MTHFD2L: variants seen among roughly 807,000 people sequenced by gnomAD.
MTHFD2L encodes methylenetetrahydrofolate dehydrogenase (NADP+ dependent) 2 like.
A neutral mutation model predicts 34.9 loss-of-function variants in MTHFD2L; 29 were observed. The observed-to-expected ratio is 0.83, with a 90% CI of 0.62 to 1.13. The LOEUF (loss-of-function observed/expected upper bound fraction) is 1.13, where lower values mean the gene tolerates loss of function less well. MTHFD2L is among the 50% of genes most tolerant of loss of function. The pLI, the probability that MTHFD2L is intolerant of heterozygous loss-of-function variation, is 0.00. For missense variants in MTHFD2L, 481 were observed against 446.5 expected (o/e 1.08, Z -0.70); for synonymous variants, 167 against 155.7 (o/e 1.07, Z -0.54).
upstream of MTHFD2L, chr4:74,157,898 A>G (rs977226589): frequency 1.5e-6 from 1 of 682,594 alleles, no homozygotes; most frequent in African/African-American, 1.8e-5. Flanking sequence ...ACGCTTCCAC[A>G]TCCTCAGAGG....
chr4:74,174,507 C>A lies in MTHFD2L; in HGVS notation c.145C>A (p.His49Asn), dbSNP rs757444032. 39 of 1,525,058 alleles carry A rather than the reference C, an allele frequency of 2.6e-5. 1 individual carries two copies. In the South Asian group the frequency reaches 5.0e-4, roughly 19 times the overall value. 94.5% of individuals were successfully genotyped at this position (1,525,058 alleles called of 1,614,324 possible). A position where few individuals can be genotyped will look rare whatever the true frequency, so the allele number is the denominator to read the frequency against. ...FRGFRSSGVRHEAIIISGTEM... is the reference protein window; with the variant it reads ...FRGFRSSGVRNEAIIISGTEM... ...TATTTATTGTTTTGCTTTCCACAGA[C>A]ATGAAGCCATTATTATATCAGGAAC... Residue 49 changes from histidine (H) to asparagine (N), a missense_variant and splice_region_variant, in exon 2 of 8, where the codon CAT becomes AAT. Coordinates refer to ENST00000325278, the MANE Select transcript of MTHFD2L (RefSeq NM_001144978.3).
At chr4:74,270,155 T>G (rs929300170) in intron 6 of MTHFD2L, among the ~76,000 whole-genome samples, 1 of 151,908 alleles carries the variant, frequency 6.6e-6, no homozygotes, top group African/African-American at 2.4e-5. Context: ...AAAATTCATT[T>G]TATTTTTTTC....
intron 5 of MTHFD2L, among the ~76,000 whole-genome samples, chr4:74,201,967 A>G (rs1056418443): frequency 2.0e-5 from 3 of 152,168 alleles, no homozygotes; most frequent in African/African-American, 7.2e-5. Context: ...ATAGCTAGAT[A>G]CAGAATAGCT....
chr4:74,271,344 T>C (rs1745955690), intron 6 of MTHFD2L, among the ~76,000 whole-genome samples: 1 of 152,228 alleles, frequency 6.6e-6, no homozygotes, highest in African/African-American at 2.4e-5. Flanking sequence ...AATTAATTTT[T>C]GTATAAGGTG....
chr4:74,254,603 C>G (rs1286924711), intron 6 of MTHFD2L, among the ~76,000 whole-genome samples: 6 of 138,854 alleles, frequency 4.3e-5, no homozygotes, highest in African/African-American at 1.6e-4. Flanking sequence ...AAAAAAAATG[C>G]TGAGGGAGTT....
intron 1 of MTHFD2L, among the ~76,000 whole-genome samples, chr4:74,148,469 C>G (rs1723741987): frequency 6.6e-6 from 1 of 151,304 alleles, no homozygotes; most frequent in Non-Finnish European, 1.5e-5. Context: ...CTTACTGCAA[C>G]CTCTACCTCC....
At chr4:74,257,313 A>C (rs1560536572) in intron 6 of MTHFD2L, among the ~76,000 whole-genome samples, 1 of 152,168 alleles carries the variant, frequency 6.6e-6, no homozygotes, top group Non-Finnish European at 1.5e-5. Context: ...TAAATGACTT[A>C]ATCCAATCAA....
intron 1 of MTHFD2L, chr4:74,161,184 T>A (rs758286308): frequency 5.3e-5 from 8 of 152,208 alleles, no homozygotes; most frequent in African/African-American, 9.6e-5. Context: ...AAAATCTACA[T>A]TTTTGGAACT....
chr4:74,251,061 T>C (rs1045743041), intron 6 of MTHFD2L, among the ~76,000 whole-genome samples: 2 of 152,164 alleles, frequency 1.3e-5, no homozygotes, highest in African/African-American at 4.8e-5. Context: ...ATTGACTCCC[T>C]AGGAGCCCAG....
chr4:74,194,274 G>GTT (rs1357455806), intron 3 of MTHFD2L: 1 of 152,128 alleles, frequency 6.6e-6, no homozygotes, highest in Admixed American at 6.6e-5. Context: ...TACGGTGTTA[G>GTT]CCCCAAACTT....
rs947735298 is a variant in MTHFD2L, at chr4:74,206,647, A to AT, written c.712+5288dup. ...TTTTGAAGTTAAGCTGCCCAGTTAC[A>AT]TTTTTTTTTTTACTTATTTGTATGT... On this transcript the variant is annotated intron_variant, in intron 5 of 7. Transcript: ENST00000325278. Among the ~76,000 whole-genome samples the AT allele has an allele frequency of 1.1e-3, 160 of 147,442 alleles. No homozygotes were observed. In the Middle Eastern group the frequency reaches 0.018, roughly 16 times the overall value.
In MTHFD2L at chr4:74,199,982, G is replaced by A. The variant is rs1734145442; in HGVS notation, c.604+36G>A. On this transcript the variant is annotated intron_variant, in intron 4 of 7. Transcript: ENST00000325278. ...TGTGGTCTGCAGGACATGGATGCTA[G>A]GTGCTGAGCTGAGCCTTTGTGCACT... is the stretch of plus-strand genomic sequence containing the variant. 4 of 1,609,494 alleles carry A rather than the reference G, an allele frequency of 2.5e-6. 1 individual carries two copies. Among genetic ancestry groups the A allele is most frequent in the Admixed American group, 3.3e-5 (2 of 59,774 alleles).
intron 1 of MTHFD2L, among the ~76,000 whole-genome samples, chr4:74,133,541 C>A (rs1722701157): frequency 6.6e-6 from 1 of 151,772 alleles, no homozygotes; most frequent in African/African-American, 2.4e-5. Context: ...ACTGTATTTT[C>A]TTAATAGCCA....
In MTHFD2L at chr4:74,217,112, C is replaced by T. The variant is rs78820775; in HGVS notation, c.713-8190C>T. 6.4e-3 allele frequency among the ~76,000 whole-genome samples: 965 copies of T among 151,952 alleles called. 36 individuals are homozygous for T. The highest frequency in any genetic ancestry group is 0.022 in the African/African-American group (923 of 41,236). ...CTGACCCCTGCCCTAGCCATATCTG[C>T]TTTCCTGGAATATGTCTTATGTGCT... On this transcript the variant is annotated intron_variant, in intron 5 of 7. Coordinates refer to ENST00000325278, the MANE Select transcript of MTHFD2L (RefSeq NM_001144978.3).
chr4:74,243,887 C>T (rs1229384983), intron 6 of MTHFD2L, among the ~76,000 whole-genome samples: 1 of 152,110 alleles, frequency 6.6e-6, no homozygotes, highest in Non-Finnish European at 1.5e-5. Flanking sequence ...GAAATTTGGC[C>T]CAAAACACTG....
At chr4:74,233,113 A>G (rs529842575) in intron 6 of MTHFD2L, among the ~76,000 whole-genome samples, 6 of 152,180 alleles carry the variant, frequency 3.9e-5, no homozygotes, top group African/African-American at 9.6e-5. Context: ...TTAATATTAA[A>G]GCATATTTCA....
In MTHFD2L at chr4:74,180,936, T is replaced by G. The variant is rs573157781; in HGVS notation, c.451+5533T>G. On this transcript the variant is annotated intron_variant, in intron 3 of 7. Coordinates refer to ENST00000325278, the MANE Select transcript of MTHFD2L (RefSeq NM_001144978.3). ...TAAGTAGGCATTTTATTTTATTTTTTTTTAGCTTTTATTGAGTTATCTGTA... is the reference window on the plus strand; with the variant it reads ...TAAGTAGGCATTTTATTTTATTTTTGTTTAGCTTTTATTGAGTTATCTGTA... 8.3e-5 allele frequency: 15 copies of G among 180,132 alleles called. No homozygotes were observed. The East Asian group carries it at 2.0e-3, about 24-fold the overall frequency. The allele number at this position is 180,132 out of a possible 1,614,324, so 11.2% of individuals were successfully genotyped here.
intron 6 of MTHFD2L, among the ~76,000 whole-genome samples, chr4:74,270,583 G>A (rs144757763): frequency 0.016 from 2,450 of 152,234 alleles, 31 homozygotes; most frequent in Non-Finnish European, 0.027. Flanking sequence ...ATGGACATTT[G>A]GGTTGGTTCC....
intron 6 of MTHFD2L, among the ~76,000 whole-genome samples, chr4:74,245,845 T>A (rs957278598): frequency 3.0e-4 from 46 of 151,670 alleles, no homozygotes; most frequent in African/African-American, 1.1e-3. Flanking sequence ...CCATGGTGTA[T>A]ATGTGCCACA....
Sources: gnomAD v4.1 joint callset for allele counts (sites outside exome capture counted in the v4.1 genomes callset) on GRCh38, gnomAD v4.1.1 for gene constraint, MANE v1.5 for transcripts, NCBI Gene and HGNC (gene_info 2026-07-23, HGNC 2026-07-21) for gene names.